The following DCC variants were observed in gnomAD, a reference collection of about 807,000 sequenced individuals.
DCC encodes the protein DCC netrin 1 receptor, also known as netrin receptor DCC.
A neutral mutation model predicts 172.5 loss-of-function variants in DCC; 58 were observed. The observed-to-expected ratio is 0.34, with a 90% CI of 0.27 to 0.42. DCC has a LOEUF of 0.42. Ranked by LOEUF, DCC falls within the 10% of genes least tolerant of loss-of-function variation. The pLI is 1.00. For missense variants in DCC, 1,740 were observed against 1,791.0 expected, an observed-to-expected ratio of 0.97 and a Z score of 0.51; for synonymous variants, 709 against 644.5, an observed-to-expected ratio of 1.10 and a Z score of -1.52.
At chr18:52,993,776 C>T (rs1195464281) in intron 5 of DCC, among the ~76,000 whole-genome samples, 1 of 151,678 alleles carries the variant, frequency 6.6e-6, no homozygotes, top group Non-Finnish European at 1.5e-5. Context: ...GAATAAGTAA[C>T]TAATAGTTCT....
intron 1 of DCC, among the ~76,000 whole-genome samples, chr18:52,502,322 A>G (rs1315410964): frequency 6.6e-6 from 1 of 152,204 alleles, no homozygotes; most frequent in African/African-American, 2.4e-5. Flanking sequence ...CTCAAAGGTT[A>G]TGAGTTATAA....
At position 53,530,609 on chromosome 18, in the gene DCC, G is replaced by A; in HGVS notation, c.4300G>A (p.Gly1434Arg). The change falls in exon 29 of 29, where the codon GGA becomes AGA. Residue 1434 changes from glycine to arginine, a missense_variant. Gly to Arg is a moderately radical substitution (Grantham distance 125). Coordinates refer to ENST00000442544, the MANE Select transcript of DCC (RefSeq NM_005215.4). ...GAGTGAACAAATGGCAAGTTTGGAA[G>A]GACTCATGAAGCAGCTTAATGCCAT... ...DLSEQMASLE[G>R]LMKQLNAITG... is the part of the protein sequence containing the mutation. The A allele has an allele frequency of 6.2e-7, 1 of 1,605,010 alleles. No homozygotes were observed. The highest frequency in any genetic ancestry group is 8.5e-7 in the Non-Finnish European group (1 of 1,171,714).
Position 53,235,358 on chromosome 18 carries a change from C to T in DCC, c.1911+19761C>T, listed in dbSNP as rs370341180. ...GTCTCACTTTAATGAAAATTTAAAC[C>T]CTTTAGAATGACATGTGATGCTTGG... On this transcript the variant is annotated intron_variant, in intron 12 of 28. Coordinates refer to ENST00000442544, the MANE Select transcript of DCC (RefSeq NM_005215.4). Among the ~76,000 whole-genome samples the T allele has an allele frequency of 2.1e-4, 32 of 152,050 alleles. 1 individual carries two copies. The highest frequency in any genetic ancestry group is 6.5e-4 in the African/African-American group (27 of 41,410).
chr18:52,626,034 A>C (rs1050134030), intron 1 of DCC, among the ~76,000 whole-genome samples: 2 of 152,040 alleles, frequency 1.3e-5, no homozygotes, highest in African/African-American at 2.4e-5. Flanking sequence ...CTCAATGTAC[A>C]TACTCTCTCT....
At chr18:52,865,405 G>A (rs1181630566) in intron 2 of DCC, among the ~76,000 whole-genome samples, 1 of 152,030 alleles carries the variant, frequency 6.6e-6, no homozygotes, top group African/African-American at 2.4e-5. Flanking sequence ...GATCCTTGAG[G>A]AATCGCCACA....
chr18:52,620,799 T>C (rs1314946473), intron 1 of DCC, among the ~76,000 whole-genome samples: 1 of 152,174 alleles, frequency 6.6e-6, no homozygotes, highest in Non-Finnish European at 1.5e-5. Context: ...AGCCATCATT[T>C]CCAGTACTAT....
At chr18:52,548,560 C>T (rs2032678276) in intron 1 of DCC, among the ~76,000 whole-genome samples, 1 of 152,036 alleles carries the variant, frequency 6.6e-6, no homozygotes, top group South Asian at 2.1e-4. Context: ...GCTAAGCTAG[C>T]CATTGTTTCA....
At chr18:52,564,984 T>C (rs1026814291) in intron 1 of DCC, among the ~76,000 whole-genome samples, 4 of 151,966 alleles carry the variant, frequency 2.6e-5, no homozygotes, top group Admixed American at 6.6e-5. Context: ...GGGAAGCATG[T>C]TGAAATTAGA....
intron 5 of DCC, among the ~76,000 whole-genome samples, chr18:52,936,029 A>G (rs1424455281): frequency 6.6e-6 from 1 of 152,090 alleles, no homozygotes; most frequent in South Asian, 2.1e-4. Flanking sequence ...TAATTACCAA[A>G]TGAATCATAC....
At chr18:53,394,077 A>T (rs1412031299) in intron 17 of DCC, among the ~76,000 whole-genome samples, 1 of 152,166 alleles carries the variant, frequency 6.6e-6, no homozygotes, top group Admixed American at 6.5e-5. Context: ...TCTTTACTTC[A>T]TCTCACTTCC....
Position 53,201,167 on chromosome 18 carries a change from T to G in DCC, c.1574-4049T>G, listed in dbSNP as rs562567277. 3.3e-5 allele frequency among the ~76,000 whole-genome samples: 5 copies of G among 152,244 alleles called. No individual in the cohort carries two copies. In the East Asian group the frequency reaches 9.7e-4, roughly 29 times the overall value. Reference sequence around the variant, plus strand: ...CATCTCCCAGTCCTCCTGGAGTGGTTCTGTTTGGGAAACTAGGGCTCAGCT... The same window carrying G: ...CATCTCCCAGTCCTCCTGGAGTGGTGCTGTTTGGGAAACTAGGGCTCAGCT... On this transcript the variant is annotated intron_variant, in intron 9 of 28. Transcript: ENST00000442544.
At position 52,386,833 on chromosome 18, in the gene DCC, A is replaced by G. The variant is rs146379339; in HGVS notation, c.91+45955A>G. The stretch of plus-strand genomic sequence containing the variant: ...GTACACATTACACAACATGTATCAT[A>G]TATCAAAAATCACCTTTCACCATAA... On this transcript the variant is annotated intron_variant, in intron 1 of 28. Coordinates refer to ENST00000442544, the MANE Select transcript of DCC (RefSeq NM_005215.4). 8.5e-5 allele frequency among the ~76,000 whole-genome samples: 13 copies of G among 152,230 alleles called. No individual in the cohort carries two copies. The East Asian group carries it at 2.3e-3, about 27-fold the overall frequency.
intron 7 of DCC, among the ~76,000 whole-genome samples, chr18:53,142,701 T>A (rs1249734243): frequency 6.6e-6 from 1 of 152,226 alleles, no homozygotes; most frequent in Non-Finnish European, 1.5e-5. Flanking sequence ...ACTGCTAACG[T>A]CTCACATGAC....
chr18:52,802,688 GAGACAC>G (rs1234721843), intron 2 of DCC, among the ~76,000 whole-genome samples: 2 of 75,186 alleles, frequency 2.7e-5, no homozygotes, highest in African/African-American at 9.4e-5. Context: ...TTTTTTAATG[GAGACAC>G]AGGGTCTCAC....
At chr18:52,600,720 T>TTGTTGTTGTTGG (rs2033999773) in intron 1 of DCC, among the ~76,000 whole-genome samples, 1 of 151,868 alleles carries the variant, frequency 6.6e-6, no homozygotes. Context: ...TTGCGCATTG[T>TTGTTGTTGTTGG]TGTTGTTGGT....
chr18:53,016,916 G>C (rs112963439), intron 5 of DCC, among the ~76,000 whole-genome samples: 1,832 of 152,268 alleles, frequency 0.012, 26 homozygotes, highest in African/African-American at 0.041. Context: ...GATGTCCTCT[G>C]TGAGAAGATA....
chr18:53,103,937 C>T (rs1460530374), intron 7 of DCC, among the ~76,000 whole-genome samples: 2 of 151,948 alleles, frequency 1.3e-5, no homozygotes, highest in Non-Finnish European at 2.9e-5. Context: ...GTGAGTGAGG[C>T]ACTTTCTTGG....
intron 15 of DCC, among the ~76,000 whole-genome samples, chr18:53,361,068 T>C (rs1438423630): frequency 6.6e-6 from 1 of 152,132 alleles, no homozygotes; most frequent in Non-Finnish European, 1.5e-5. Context: ...AATCCCATGA[T>C]GTGTCCATAT....
intron 7 of DCC, among the ~76,000 whole-genome samples, chr18:53,096,119 A>T (rs1034639914): frequency 6.6e-6 from 1 of 152,110 alleles, no homozygotes; most frequent in African/African-American, 2.4e-5. Context: ...ACTAACCAGC[A>T]CATTATGCAC....
Sources: allele counts gnomAD v4.1 joint callset (sites outside exome capture counted in the v4.1 genomes callset), GRCh38; gene constraint gnomAD v4.1.1; transcripts MANE v1.5; gene names NCBI Gene and HGNC (gene_info 2026-07-23, HGNC 2026-07-21).